The following WNT5B variants were observed in gnomAD, a reference collection of about 807,000 sequenced individuals.
WNT5B encodes the protein Wnt family member 5B.
Under a neutral mutation model 36.5 loss-of-function variants are expected in WNT5B, and 18 were observed. That is an observed-to-expected ratio of 0.49 (90% CI 0.34 to 0.73). The LOEUF is 0.73. Among genes scored for constraint, WNT5B ranks in the 30% least tolerant of loss-of-function variants. The probability of loss-of-function intolerance (pLI) is 0.01; values close to 1 mark genes in which losing one functional copy is unlikely to be tolerated. For missense variants in WNT5B, 424 were observed against 508.4 expected (o/e 0.83, Z 1.60); for synonymous variants, 213 against 212.3 (o/e 1.00, Z -0.03).
upstream of WNT5B, among the ~76,000 whole-genome samples, chr12:1,627,146 G>T (rs2094542401): frequency 6.6e-6 from 1 of 152,202 alleles, no homozygotes; most frequent in African/African-American, 2.4e-5. This position sits in a 1 kb window ranked among gnomAD's most constrained non-coding sequence, Gnocchi z 5.0. Flanking sequence ...TAATGGCGAT[G>T]GGGGCCTTCT....
upstream of WNT5B, among the ~76,000 whole-genome samples, chr12:1,624,683 C>T (rs1257548005): frequency 2.0e-5 from 3 of 152,132 alleles, no homozygotes; most frequent in Admixed American, 6.5e-5. Context: ...GGTTATCAAT[C>T]AAAAGACATT....
At chr12:1,626,435 G>C (rs964655158), upstream of WNT5B, among the ~76,000 whole-genome samples, 1 of 151,092 alleles carries the variant, frequency 6.6e-6, no homozygotes, top group Non-Finnish European at 1.5e-5. Context: ...GGCTAATTTT[G>C]TATTTTTAGT....
At chr12:1,622,109 T>G (rs78121599) in intron 1 of WNT5B, among the ~76,000 whole-genome samples, 362 of 26,732 alleles carry the variant, frequency 0.014, 2 homozygotes, top group Middle Eastern at 0.038. Flanking sequence ...TGACACTTCT[T>G]TTTTTTTTTT....
chr12:1,627,508 T>A (rs144974871), upstream of WNT5B, among the ~76,000 whole-genome samples: 1 of 152,220 alleles, frequency 6.6e-6, no homozygotes, highest in Non-Finnish European at 1.5e-5. The surrounding 1 kb of genome is among the most constrained non-coding windows in gnomAD (Gnocchi z 5.0). Context: ...GCTTGGGGTC[T>A]CAGCTTTACC....
At chr12:1,641,137 C>A (rs949103509) in intron 4 of WNT5B, among the ~76,000 whole-genome samples, 1 of 152,160 alleles carries the variant, frequency 6.6e-6, no homozygotes, top group Non-Finnish European at 1.5e-5. Flanking sequence ...GTAATCCCAG[C>A]GCTTTGGGAG....
upstream of WNT5B, among the ~76,000 whole-genome samples, chr12:1,627,572 C>G (rs1331500656): frequency 6.6e-6 from 1 of 152,134 alleles, no homozygotes; most frequent in East Asian, 1.9e-4. This position sits in a 1 kb window ranked among gnomAD's most constrained non-coding sequence, Gnocchi z 5.0. Context: ...GACATGGCCC[C>G]TTAAGGAAAT....
rs2094552178 is a variant in WNT5B at position 1,632,167 on chromosome 12, T to A, written c.81-491T>A. Among the ~76,000 whole-genome samples the A allele has an allele frequency of 6.6e-6, 1 of 152,222 alleles. No individual in the cohort carries two copies. Among genetic ancestry groups the A allele is most frequent in the Non-Finnish European group, 1.5e-5 (1 of 68,036 alleles). ...AGGGAGTACCACGCAAAGGATTGAT[T>A]GCTTTCCATGGCTTATCATGTACTT... On this transcript the variant is annotated intron_variant, in intron 2 of 4. Coordinates refer to ENST00000397196, the MANE Select transcript of WNT5B (RefSeq NM_032642.3). This position sits in a 1 kb window ranked among gnomAD's most constrained non-coding sequence, Gnocchi z 5.8.
rs140040385 is a variant in WNT5B, at chr12:1,630,307, G to T, written c.-58+936G>T. 1,819 of 895,278 alleles carry T rather than the reference G, an allele frequency of 2.0e-3. 24 individuals carry two copies. In the African/African-American group the frequency reaches 0.029, roughly 14 times the overall value. 55.5% of individuals were successfully genotyped at this position (895,278 alleles called of 1,614,324 possible). A position where few individuals can be genotyped will look rare whatever the true frequency, so the allele number is the denominator to read the frequency against. The stretch of plus-strand genomic sequence containing the variant: ...CGGAGGACCGCGGGGGAGCCGCAGG[G>T]GCCGTGTGTCCCGAGGCGCAGGCTC... On this transcript the variant is annotated intron_variant, in intron 1 of 4. Coordinates refer to ENST00000397196, the MANE Select transcript of WNT5B (RefSeq NM_032642.3). The surrounding 1 kb of genome is among the most constrained non-coding windows in gnomAD (Gnocchi z 5.3).
Position 1,618,114 on chromosome 12 carries a change from C to A in WNT5B, c.-58+971C>A, listed in dbSNP as rs2094529370. Among the ~76,000 whole-genome samples, 1 of 152,164 alleles carries A rather than the reference C, an allele frequency of 6.6e-6. No individual in the cohort carries two copies. Among genetic ancestry groups the A allele is most frequent in the Non-Finnish European group, 1.5e-5 (1 of 68,038 alleles). The stretch of plus-strand genomic sequence containing the variant: ...CTGTGATCATGCCACCGTACTCCAG[C>A]CTGGGTGACAGTGAGACGATGTCTC... On this transcript the variant is annotated intron_variant, in intron 1 of 4. Transcript: ENST00000310594. The surrounding 1 kb of genome is among the most constrained non-coding windows in gnomAD (Gnocchi z 4.1).
intron 3 of WNT5B, among the ~76,000 whole-genome samples, chr12:1,635,632 G>T (rs1458636957): frequency 2.0e-5 from 3 of 152,248 alleles, no homozygotes; most frequent in African/African-American, 7.2e-5. Flanking sequence ...GCTCGGGGCT[G>T]AAGCTTGGGA....
Position 1,645,869 on chromosome 12 carries a change from C to G in WNT5B, c.697C>G (p.Leu233Val). The G allele has an allele frequency of 3.7e-6, 6 of 1,611,396 alleles. No individual in the cohort carries two copies. The highest frequency in any genetic ancestry group is 5.1e-6 in the Non-Finnish European group (6 of 1,179,334). Reference protein sequence around the residue: ...SGSCSLKTCWLQLAEFRKVGD... With the variant: ...SGSCSLKTCWVQLAEFRKVGD... ...GTCCTGCAGCCTCAAGACCTGCTGG[C>G]TGCAGCTGGCCGAGTTCCGCAAGGT... The change falls in exon 5 of 5, where the codon CTG (leucine) becomes GTG (valine). Residue 233 changes from leucine to valine, a missense_variant. Leu to Val is a conservative substitution (Grantham distance 32). Transcript: ENST00000397196.
upstream of WNT5B, among the ~76,000 whole-genome samples, chr12:1,626,861 G>A (rs899482974): frequency 1.3e-4 from 20 of 152,254 alleles, no homozygotes; most frequent in African/African-American, 3.6e-4. Context: ...CACTGCGCCC[G>A]GCCGCCAAAT....
Position 1,631,420 on chromosome 12 carries a change from C to T in WNT5B, c.66C>T (p.Asp22=), listed in dbSNP as rs1051542056. ...CCAGCTGGGCTCAGCTTCTGACAGA[C>T]GCCAACTCCTGGTGGTGAGTAAGAG... ...LLSSWAQLLT[D]ANSWWSLALN... Residue 22 remains aspartate, a synonymous_variant, in exon 2 of 5, where the codon GAC becomes GAT. Coordinates refer to ENST00000397196, the MANE Select transcript of WNT5B (RefSeq NM_032642.3). 2.9e-5 allele frequency: 47 copies of T among 1,614,020 alleles called. No individual in the cohort carries two copies. Among genetic ancestry groups the T allele is most frequent in the African/African-American group, 4.0e-5 (3 of 74,946 alleles).
chr12:1,636,816 A>G (rs1162146263), intron 3 of WNT5B, among the ~76,000 whole-genome samples: 1 of 151,924 alleles, frequency 6.6e-6, no homozygotes, highest in Non-Finnish European at 1.5e-5. Flanking sequence ...CCTGGGGTCA[A>G]ATGATTCTTC....
chr12:1,623,045 T>G (rs1401371596), intron 1 of WNT5B, among the ~76,000 whole-genome samples: 1 of 151,494 alleles, frequency 6.6e-6, no homozygotes, highest in Non-Finnish European at 1.5e-5. Context: ...GTATCAGGAG[T>G]TTGGGGTTCT....
At chr12:1,643,769 CTATA>C (rs35447664) in intron 4 of WNT5B, among the ~76,000 whole-genome samples, 31,825 of 138,612 alleles carry the variant, frequency 0.23, 4,366 homozygotes, top group African/African-American at 0.39. Context: ...CAAAAGGAGC[CTATA>C]TATATATATA....
chr12:1,621,100 G>A (rs1292710133), intron 1 of WNT5B, among the ~76,000 whole-genome samples: 1 of 143,124 alleles, frequency 7.0e-6, no homozygotes, highest in African/African-American at 2.6e-5. Flanking sequence ...TAGAGAAAAA[G>A]AGGTCAATTA....
intron 1 of WNT5B, among the ~76,000 whole-genome samples, chr12:1,622,614 G>T (rs1430632839): frequency 6.6e-6 from 1 of 152,204 alleles, no homozygotes. Flanking sequence ...CTTCATGAGA[G>T]GCTGGCCTTC....
In WNT5B at chr12:1,645,968, G is replaced by A. The variant is rs1449882765; in HGVS notation, c.796G>A (p.Val266Ile). 2 of 1,610,718 alleles carry A rather than the reference G, an allele frequency of 1.2e-6. No individual in the cohort carries two copies. Residue 266 changes from valine (V) to isoleucine (I), a missense_variant, in exon 5 of 5, where the codon GTC becomes ATC. Physicochemically the swap from Val to Ile is conservative, Grantham distance 29. Coordinates refer to ENST00000397196, the MANE Select transcript of WNT5B (RefSeq NM_032642.3). ...RVTRKGRLEL[V>I]NSRFTQPTPE... ...CACCCGCAAGGGCCGGCTGGAGCTG[G>A]TCAACAGCCGCTTCACCCAGCCCAC...
Sources: gnomAD v4.1 joint callset for allele counts (sites outside exome capture counted in the v4.1 genomes callset) on GRCh38, gnomAD v4.1.1 for gene constraint, Gnocchi (gnomAD v3.1) non-coding constraint, MANE v1.5 for transcripts, NCBI Gene and HGNC (gene_info 2026-07-23, HGNC 2026-07-21) for gene names.